Variants in PDZRN4 observed in about 807,000 individuals in gnomAD.
The protein encoded by PDZRN4 is PDZ domain-containing RING finger protein 4.
In PDZRN4, 70 loss-of-function variants were observed where a neutral mutation model predicts 99.0. The observed-to-expected ratio is 0.71, with a 90% confidence interval of 0.58 to 0.86. PDZRN4 has a LOEUF of 0.86. Ranked by LOEUF, PDZRN4 falls within the 40% of genes least tolerant of loss-of-function variation. PDZRN4 has a pLI of 0.00. For missense variants in PDZRN4, 1,474 were observed against 1,331.2 expected (o/e 1.11, Z -1.67); for synonymous variants, 551 against 501.6 (o/e 1.10, Z -1.32).
At chr12:41,313,822 A>G (rs991874301) in intron 3 of PDZRN4, among the ~76,000 whole-genome samples, 3 of 152,220 alleles carry the variant, frequency 2.0e-5, no homozygotes, top group Admixed American at 2.0e-4. Context: ...TTTTGACACA[A>G]TGAATGATTT....
chr12:41,333,202 G>A (rs1047051732), intron 3 of PDZRN4, among the ~76,000 whole-genome samples: 1 of 152,086 alleles, frequency 6.6e-6, no homozygotes, highest in African/African-American at 2.4e-5. Context: ...GACTATTTTG[G>A]TAGCAATGAG....
At chr12:41,424,292 C>T (rs981533741) in intron 3 of PDZRN4, among the ~76,000 whole-genome samples, 2 of 152,164 alleles carry the variant, frequency 1.3e-5, no homozygotes, top group Non-Finnish European at 2.9e-5. Flanking sequence ...CTCTATATGA[C>T]ACACCATGTA....
At chr12:41,266,672 T>G (rs770315018) in intron 3 of PDZRN4, among the ~76,000 whole-genome samples, 1 of 152,234 alleles carries the variant, frequency 6.6e-6, no homozygotes, top group Non-Finnish European at 1.5e-5. Flanking sequence ...ACATTTTAGC[T>G]TTTTAGTCCA....
chr12:41,361,353 T>C (rs971501957), intron 3 of PDZRN4, among the ~76,000 whole-genome samples: 4 of 152,054 alleles, frequency 2.6e-5, no homozygotes, highest in Non-Finnish European at 5.9e-5. Context: ...AAAAAGAACA[T>C]GATTCCTGCC....
At chr12:41,340,616 A>C (rs1951809267) in intron 3 of PDZRN4, among the ~76,000 whole-genome samples, 1 of 151,964 alleles carries the variant, frequency 6.6e-6, no homozygotes, top group Admixed American at 6.6e-5. Context: ...AGAAATGATA[A>C]GTGCTTGAGA....
At chr12:41,485,201 G>C (rs1937751132) in intron 3 of PDZRN4, among the ~76,000 whole-genome samples, 1 of 152,188 alleles carries the variant, frequency 6.6e-6, no homozygotes, top group African/African-American at 2.4e-5. Flanking sequence ...GGATAAAGTA[G>C]AGGGAAAGGG....
At chr12:41,206,314 A>G (rs1441172317) in intron 3 of PDZRN4, among the ~76,000 whole-genome samples, 1 of 151,896 alleles carries the variant, frequency 6.6e-6, no homozygotes, top group African/African-American at 2.4e-5. Context: ...AGTGTCTTAG[A>G]GTTTCCATTA....
At chr12:41,293,841 AT>A (rs1480987161) in intron 3 of PDZRN4, among the ~76,000 whole-genome samples, 2 of 152,200 alleles carry the variant, frequency 1.3e-5, no homozygotes, top group East Asian at 3.9e-4. Context: ...GTCATGGAGA[AT>A]GATACAGTAC....
At chr12:41,195,965 C>G (rs1390889697) in intron 3 of PDZRN4, among the ~76,000 whole-genome samples, 1 of 152,076 alleles carries the variant, frequency 6.6e-6, no homozygotes, top group Non-Finnish European at 1.5e-5. Context: ...ATAGACACAA[C>G]AGAAATACGT....
intron 3 of PDZRN4, among the ~76,000 whole-genome samples, chr12:41,369,390 G>A (rs1375581414): frequency 6.6e-6 from 1 of 152,022 alleles, no homozygotes; most frequent in East Asian, 1.9e-4. Flanking sequence ...GATCAATACG[G>A]TTACCTTTTC....
intron 5 of PDZRN4, among the ~76,000 whole-genome samples, chr12:41,538,461 A>T (rs1287714567): frequency 2.0e-5 from 3 of 152,176 alleles, no homozygotes; most frequent in African/African-American, 7.2e-5. Context: ...TAGTGAACAG[A>T]TGCTGATATA....
chr12:41,401,667 C>T (rs11180888), intron 3 of PDZRN4, among the ~76,000 whole-genome samples: 21,355 of 151,996 alleles, frequency 0.14, 3,311 homozygotes, highest in African/African-American at 0.37. Context: ...TGTTATAATA[C>T]GTTTCCTGTT....
At chr12:41,494,090 A>G (rs928800461) in intron 3 of PDZRN4, among the ~76,000 whole-genome samples, 2 of 152,016 alleles carry the variant, frequency 1.3e-5, no homozygotes, top group African/African-American at 4.8e-5. Flanking sequence ...TCCTGGGAAC[A>G]TAAGTTAGAA....
intron 6 of PDZRN4, among the ~76,000 whole-genome samples, chr12:41,554,394 A>G (rs11181001): frequency 0.5 from 76,566 of 151,950 alleles, 19,560 homozygotes; most frequent in Middle Eastern, 0.6. Context: ...ACAGGATCTG[A>G]ACATATGTAC....
intron 1 of PDZRN4, 84 bp downstream of exon 1, chr12:41,189,187 T>A: frequency 7.5e-7 from 1 of 1,331,652 alleles, no homozygotes; most frequent in Non-Finnish European, 1.0e-6. Context: ...CAGGATTCCT[T>A]TGGAATTGGG....
intron 3 of PDZRN4, among the ~76,000 whole-genome samples, chr12:41,479,603 CAT>C (rs975271230): frequency 3.3e-5 from 5 of 152,192 alleles, no homozygotes; most frequent in African/African-American, 9.6e-5. Context: ...ACTCCATACA[CAT>C]GAGTTCCTGC....
In PDZRN4 at chr12:41,486,210, C is replaced by A. The variant is rs111750969; in HGVS notation, c.844-20246C>A. On this transcript the variant is annotated intron_variant, in intron 3 of 9. Coordinates refer to ENST00000402685, the MANE Select transcript of PDZRN4 (RefSeq NM_001164595.2). Reference sequence around the variant, plus strand: ...TTAAAATATTGAGGGCAGTTTAAATCTAACACTGAAAAAAATAAATATGGG... The same window carrying A: ...TTAAAATATTGAGGGCAGTTTAAATATAACACTGAAAAAAATAAATATGGG... Among the ~76,000 whole-genome samples the A allele has an allele frequency of 6.3e-3, 962 of 152,064 alleles. 11 individuals carry two copies. The highest frequency in any genetic ancestry group is 0.022 in the African/African-American group (899 of 41,518).
At chr12:41,275,227 A>G (rs993600534) in intron 3 of PDZRN4, among the ~76,000 whole-genome samples, 1 of 152,088 alleles carries the variant, frequency 6.6e-6, no homozygotes, top group Non-Finnish European at 1.5e-5. Context: ...CTCTGATAAA[A>G]AGTCCGTATT....
chr12:41,543,881 T>A lies in PDZRN4; in HGVS notation c.1204-8775T>A, dbSNP rs570184825. Among the ~76,000 whole-genome samples, 9 of 152,284 alleles carry A rather than the reference T, an allele frequency of 5.9e-5. No individual in the cohort carries two copies. In the South Asian group the frequency reaches 1.9e-3, roughly 32 times the overall value. The stretch of plus-strand genomic sequence containing the variant: ...AACTAAATAAAATGCACTCATTAGC[T>A]AATCCCTAGATCACAAGCCCAGCCC... On this transcript the variant is annotated intron_variant, in intron 5 of 9. Coordinates refer to ENST00000402685, the MANE Select transcript of PDZRN4 (RefSeq NM_001164595.2).
Sources: allele counts gnomAD v4.1 joint callset (sites outside exome capture counted in the v4.1 genomes callset), GRCh38; gene constraint gnomAD v4.1.1; transcripts MANE v1.5; gene names NCBI Gene and HGNC (gene_info 2026-07-23, HGNC 2026-07-21).